Variants in MEOX2 observed in about 807,000 individuals in gnomAD.
MEOX2 encodes mesenchyme homeobox 2.
A neutral mutation model predicts 27.0 loss-of-function variants in MEOX2; 11 were observed. The observed-to-expected ratio is 0.41, with a 90% confidence interval of 0.26 to 0.68. The LOEUF is 0.68. Among genes scored for constraint, MEOX2 ranks in the 30% least tolerant of loss-of-function variants. MEOX2 has a pLI of 0.33. For missense variants in MEOX2, 436 were observed against 385.4 expected (o/e 1.13, Z -1.10); for synonymous variants, 189 against 155.4 (o/e 1.22, Z -1.61).
chr7:15,614,796 T>A (rs1344852067), intron 2 of MEOX2, among the ~76,000 whole-genome samples: 1 of 152,156 alleles, frequency 6.6e-6, no homozygotes, highest in East Asian at 1.9e-4. Flanking sequence ...AGTTTAGAAA[T>A]AATTTCAATT....
chr7:15,643,339 G>A (rs1057440751), intron 1 of MEOX2, among the ~76,000 whole-genome samples: 13 of 152,148 alleles, frequency 8.5e-5, no homozygotes, highest in Non-Finnish European at 1.8e-4. Flanking sequence ...GCAAAGCTGG[G>A]TGACGCTGGG....
chr7:15,642,694 T>C (rs1187555007), intron 1 of MEOX2, among the ~76,000 whole-genome samples: 1 of 152,306 alleles, frequency 6.6e-6, no homozygotes, highest in African/African-American at 2.4e-5. Context: ...TTCTTCATGG[T>C]GCTAGAATTA....
At chr7:15,616,955 C>CATCACATGTA in intron 2 of MEOX2, among the ~76,000 whole-genome samples, 1 of 152,048 alleles carries the variant, frequency 6.6e-6, no homozygotes, top group East Asian at 1.9e-4. Context: ...CACATTACAC[C>CATCACATGTA]CTTTACCATG....
At chr7:15,634,776 G>C (rs941408206) in intron 1 of MEOX2, among the ~76,000 whole-genome samples, 3 of 151,958 alleles carry the variant, frequency 2.0e-5, no homozygotes, top group Non-Finnish European at 4.4e-5. Flanking sequence ...CCAATGACGA[G>C]ATTATTTGCA....
chr7:15,638,034 C>A (rs1781510977), intron 1 of MEOX2, among the ~76,000 whole-genome samples: 1 of 152,038 alleles, frequency 6.6e-6, no homozygotes, highest in Admixed American at 6.6e-5. Flanking sequence ...TCATTTGAAT[C>A]ATTTAACTTT....
In MEOX2 at chr7:15,612,464, G is replaced by C. The variant is rs1781048270; in HGVS notation, c.838C>G (p.Leu280Val). Residue 280 changes from leucine to valine, a missense_variant, in exon 3 of 3, where the codon CTC becomes GTC. Coordinates refer to ENST00000262041, the MANE Select transcript of MEOX2 (RefSeq NM_005924.5). ...SELSGIGAAT[L>V]QQTGDSIANE... is the part of the protein sequence containing the mutation. ...GCTATAGAGTCCCCTGTTTGCTGGA[G>C]GGTGGCTGCACCAATTCCCGACAGC... 3 of 1,614,010 alleles carry C rather than the reference G, an allele frequency of 1.9e-6. No individual in the cohort carries two copies. Among genetic ancestry groups the C allele is most frequent in the Admixed American group, 3.3e-5 (2 of 59,984 alleles).
chr7:15,679,059 T>A (rs1250367515), intron 1 of MEOX2: 1 of 152,178 alleles, frequency 6.6e-6, no homozygotes, highest in African/African-American at 2.4e-5. Context: ...CTATATATGC[T>A]TCAAGCTTAA....
At chr7:15,649,282 T>C (rs1365025657) in intron 1 of MEOX2, among the ~76,000 whole-genome samples, 1 of 152,094 alleles carries the variant, frequency 6.6e-6, no homozygotes, top group Non-Finnish European at 1.5e-5. Flanking sequence ...GTAAGTAATA[T>C]ATTATGTAAC....
At chr7:15,636,498 T>C (rs1020951907) in intron 1 of MEOX2, among the ~76,000 whole-genome samples, 21 of 152,152 alleles carry the variant, frequency 1.4e-4, no homozygotes, top group African/African-American at 4.8e-4. Flanking sequence ...TTGTGATCTG[T>C]TACATGATTG....
At chr7:15,655,428 A>G (rs577644141) in intron 1 of MEOX2, among the ~76,000 whole-genome samples, 4 of 150,842 alleles carry the variant, frequency 2.7e-5, no homozygotes, top group South Asian at 2.1e-4. Context: ...GCTTGCTTTG[A>G]GTTTATTTTG....
At chr7:15,614,706 A>G (rs901935747) in intron 2 of MEOX2, among the ~76,000 whole-genome samples, 36 of 152,238 alleles carry the variant, frequency 2.4e-4, no homozygotes, top group African/African-American at 8.7e-4. Context: ...TTATAATTTT[A>G]TAATAAACCT....
intron 1 of MEOX2, among the ~76,000 whole-genome samples, chr7:15,666,517 G>T (rs1245379174): frequency 1.3e-5 from 2 of 151,844 alleles, no homozygotes; most frequent in Non-Finnish European, 2.9e-5. Flanking sequence ...ACTTTGGGAG[G>T]CCAAGGCGGG....
chr7:15,643,461 G>C (rs529812447), intron 1 of MEOX2, among the ~76,000 whole-genome samples: 1 of 152,242 alleles, frequency 6.6e-6, no homozygotes, highest in Admixed American at 6.5e-5. Context: ...TGTCCCTCCT[G>C]TGCCACAGAG....
intron 1 of MEOX2, among the ~76,000 whole-genome samples, chr7:15,663,568 T>A (rs1005527476): frequency 6.6e-6 from 1 of 152,106 alleles, no homozygotes; most frequent in Non-Finnish European, 1.5e-5. Context: ...CTCGAACTCC[T>A]GACCTCGTGA....
rs1451164666 is a variant in MEOX2 at position 15,686,572 on chromosome 7, A to G, written c.-170T>C. 4 of 648,736 alleles carry G rather than the reference A, an allele frequency of 6.2e-6. No individual in the cohort carries two copies. The highest frequency in any genetic ancestry group is 1.8e-5 in the African/African-American group (1 of 54,602). 40.2% of individuals were successfully genotyped at this position (648,736 alleles called of 1,614,324 possible). ...ATCCCGGTCCTGAGCCCCAGCGGCC[A>G]GTCTCCTTTACATATGAACAGTCGG... On this transcript the variant is annotated 5_prime_UTR_variant, in exon 1 of 3. Coordinates refer to ENST00000262041, the MANE Select transcript of MEOX2 (RefSeq NM_005924.5).
At chr7:15,616,183 C>A (rs904109902) in intron 2 of MEOX2, among the ~76,000 whole-genome samples, 2 of 151,400 alleles carry the variant, frequency 1.3e-5, no homozygotes, top group Non-Finnish European at 3.0e-5. Flanking sequence ...AACTCTAATA[C>A]CTTATATACT....
At chr7:15,655,764 A>G (rs1562607398) in intron 1 of MEOX2, among the ~76,000 whole-genome samples, 1 of 151,812 alleles carries the variant, frequency 6.6e-6, no homozygotes, top group Non-Finnish European at 1.5e-5. Flanking sequence ...TTTGTTTTAT[A>G]GTTCAGGTTA....
Position 15,650,707 on chromosome 7 carries a change from G to C in MEOX2, c.518-23789C>G, listed in dbSNP as rs370151483. On this transcript the variant is annotated intron_variant, in intron 1 of 2. Coordinates refer to ENST00000262041, the MANE Select transcript of MEOX2 (RefSeq NM_005924.5). ...AGAGGGAAAAAAATTGAGTTTTTTT[G>C]GGGGGGAGACTTCTCCATACTTTTA... Among the ~76,000 whole-genome samples, 80 of 146,538 alleles carry C rather than the reference G, an allele frequency of 5.5e-4. No homozygotes were observed. In the South Asian group the frequency reaches 7.7e-3, roughly 14 times the overall value.
chr7:15,622,066 G>A (rs1001802493), intron 2 of MEOX2, among the ~76,000 whole-genome samples: 6 of 152,242 alleles, frequency 3.9e-5, no homozygotes, highest in East Asian at 1.9e-4. Flanking sequence ...GCAGTGAGCC[G>A]AGACTGCACC....
Sources: allele counts gnomAD v4.1 joint callset (sites outside exome capture counted in the v4.1 genomes callset), GRCh38; gene constraint gnomAD v4.1.1; transcripts MANE v1.5; gene names NCBI Gene and HGNC (gene_info 2026-07-23, HGNC 2026-07-21).